CWF19L2: variants seen among roughly 807,000 people sequenced by gnomAD.
CWF19L2 encodes the protein CWF19 like cell cycle control factor 2.
Under a neutral mutation model 111.7 loss-of-function variants are expected in CWF19L2, and 98 were observed. The ratio of observed to expected loss-of-function variants is 0.88; its 90% confidence interval spans 0.75 to 1.04. The LOEUF is 1.04. Ranked by LOEUF, CWF19L2 falls within the 50% of genes least tolerant of loss-of-function variation. CWF19L2 has a pLI of 0.00. For synonymous variants in CWF19L2, 351 were observed against 342.9 expected (o/e 1.02, Z -0.26); for missense variants, 1,101 against 1,051.4 (o/e 1.05, Z -0.65).
chr11:107,430,548 A>G (rs183128106), intron 7 of CWF19L2, among the ~76,000 whole-genome samples: 1 of 152,298 alleles, frequency 6.6e-6, no homozygotes, highest in East Asian at 1.9e-4. Flanking sequence ...CACACCATCA[A>G]TGAATTCGGG....
intron 17 of CWF19L2, among the ~76,000 whole-genome samples, chr11:107,328,218 G>A (rs1859791857): frequency 6.6e-6 from 1 of 151,908 alleles, no homozygotes; most frequent in Non-Finnish European, 1.5e-5. Flanking sequence ...CCTGTCATCA[G>A]GGAAGGGAAA....
intron 14 of CWF19L2, among the ~76,000 whole-genome samples, chr11:107,337,961 TATA>T (rs2134526999): frequency 6.6e-6 from 1 of 152,270 alleles, no homozygotes; most frequent in African/African-American, 2.4e-5. Flanking sequence ...AAAACTATAC[TATA>T]ATATCACAAC....
In CWF19L2 at chr11:107,443,027, T is replaced by C; in HGVS notation, c.362A>G (p.Glu121Gly). 6.4e-7 allele frequency: 1 copy of C among 1,550,544 alleles called. No individual in the cohort carries two copies. The highest frequency in any genetic ancestry group is 1.7e-4 in the Middle Eastern group (1 of 5,994). Residue 121 changes from glutamate (E) to glycine (G), a missense_variant, in exon 4 of 18, where the codon GAG becomes GGG. Transcript: ENST00000282251. The part of the protein sequence containing the change: ...SSSSSEDEWV[E>G]AVPSQTPDKE... Reference sequence around the variant, plus strand: ...GTCAGGAGTCTGGGATGGAACAGCCTCAACCCACTCATCTTCAGAGCTCTA... The same window carrying C: ...GTCAGGAGTCTGGGATGGAACAGCCCCAACCCACTCATCTTCAGAGCTCTA...
chr11:107,435,670 T>C (rs553392403), intron 6 of CWF19L2, among the ~76,000 whole-genome samples: 7 of 152,132 alleles, frequency 4.6e-5, no homozygotes, highest in Non-Finnish European at 1.0e-4. Flanking sequence ...TCTATCTCAA[T>C]AGTCCTATTA....
chr11:107,416,982 T>C (rs1382017574), intron 9 of CWF19L2, among the ~76,000 whole-genome samples: 1 of 152,216 alleles, frequency 6.6e-6, no homozygotes, highest in Non-Finnish European at 1.5e-5. Context: ...TTACTTCCCT[T>C]ACCAATTTCT....
chr11:107,348,443 T>G (rs941294274), intron 14 of CWF19L2, among the ~76,000 whole-genome samples: 1 of 152,040 alleles, frequency 6.6e-6, no homozygotes, highest in Non-Finnish European at 1.5e-5. Context: ...TGGGCCAGAT[T>G]ATGAAGGAAA....
At chr11:107,341,806 GTGTGT>G (rs1860009203) in intron 14 of CWF19L2, among the ~76,000 whole-genome samples, 2 of 152,066 alleles carry the variant, frequency 1.3e-5, no homozygotes, top group African/African-American at 2.4e-5. Flanking sequence ...TTCATATTGA[GTGTGT>G]TGTAACAGTT....
chr11:107,391,256 T>A (rs2134595261), intron 11 of CWF19L2, among the ~76,000 whole-genome samples: 1 of 152,286 alleles, frequency 6.6e-6, no homozygotes, highest in Middle Eastern at 3.4e-3. Flanking sequence ...CTTAATTCTG[T>A]CCCTCTAGGG....
rs572455915 is a variant in CWF19L2, at chr11:107,339,997, T to C, written c.2203-3284A>G. ...TCCTAATTGGATTGTTTTCACTGTT[T>C]TGACATTCTAGATATAAAAATATTC... On this transcript the variant is annotated intron_variant, in intron 14 of 17. Transcript: ENST00000282251. 7.7e-4 allele frequency among the ~76,000 whole-genome samples: 117 copies of C among 152,308 alleles called. 2 individuals are homozygous for C. The South Asian group carries it at 0.024, about 31-fold the overall frequency.
At chr11:107,448,632 T>C (rs596268) in intron 3 of CWF19L2, among the ~76,000 whole-genome samples, 27,064 of 152,006 alleles carry the variant, frequency 0.18, 2,592 homozygotes, top group Middle Eastern at 0.28. Context: ...AATGTTTGTG[T>C]CCCCCACCAA....
intron 1 of CWF19L2, among the ~76,000 whole-genome samples, chr11:107,456,357 T>G (rs1468338266): frequency 2.0e-5 from 3 of 152,266 alleles, no homozygotes; most frequent in Non-Finnish European, 4.4e-5. Flanking sequence ...CTTTTCAAAT[T>G]CTATGCATAT....
At position 107,379,787 on chromosome 11, in the gene CWF19L2, C is replaced by T. The variant is rs650211; in HGVS notation, c.1872+10287G>A. On this transcript the variant is annotated intron_variant, in intron 12 of 17. Transcript: ENST00000282251. ...TAAGAATCAGATACTCAGCCGGGCG[C>T]GGTGGCTCACGCCTGTAATCCCAGC... Among the ~76,000 whole-genome samples, 831 of 152,130 alleles carry T rather than the reference C, an allele frequency of 5.5e-3. 6 individuals are homozygous for T. The highest frequency in any genetic ancestry group is 0.018 in the African/African-American group (752 of 41,506).
chr11:107,451,136 TAC>T (rs1318160888), intron 3 of CWF19L2, among the ~76,000 whole-genome samples: 2 of 151,976 alleles, frequency 1.3e-5, no homozygotes, highest in African/African-American at 2.4e-5. Flanking sequence ...ACTGAAATTA[TAC>T]AGAGTATAAC....
At chr11:107,410,851 CT>C (rs1861146394) in intron 10 of CWF19L2, among the ~76,000 whole-genome samples, 1 of 152,090 alleles carries the variant, frequency 6.6e-6, no homozygotes, top group African/African-American at 2.4e-5. Flanking sequence ...GCCTAAGATA[CT>C]TTGAAAACTG....
At position 107,442,925 on chromosome 11, in the gene CWF19L2, A is replaced by AGT; in HGVS notation, c.450+12_450+13dup. ...GGAAGAAAGCAAGGAAGGAAAATCAAGTGGCTTGCTTACCTTGATAATTTG... is the reference window on the plus strand; with the variant it reads ...GGAAGAAAGCAAGGAAGGAAAATCAAGTGTGGCTTGCTTACCTTGATAATTTG... On this transcript the variant is annotated intron_variant, in intron 4 of 17. Coordinates refer to ENST00000282251, the MANE Select transcript of CWF19L2 (RefSeq NM_152434.3). The AGT allele has an allele frequency of 6.8e-7, 1 of 1,471,718 alleles. No individual in the cohort carries two copies. The allele number at this position is 1,471,718 out of a possible 1,614,324, so 91.2% of individuals were successfully genotyped here. A position where few individuals can be genotyped will look rare whatever the true frequency, so the allele number is the denominator to read the frequency against.
intron 7 of CWF19L2, among the ~76,000 whole-genome samples, chr11:107,431,214 G>GA (rs1861461403): frequency 1.3e-5 from 2 of 151,412 alleles, no homozygotes; most frequent in African/African-American, 2.4e-5. Flanking sequence ...TAACAGAGAG[G>GA]AAAAAAACAA....
At chr11:107,414,060 TA>T (rs2135396076) in intron 10 of CWF19L2, among the ~76,000 whole-genome samples, 1 of 152,354 alleles carries the variant, frequency 6.6e-6, no homozygotes, top group African/African-American at 2.4e-5. Context: ...ACAAGTTACT[TA>T]GCCCTCTGTG....
chr11:107,337,485 T>A (rs778041263), intron 14 of CWF19L2, among the ~76,000 whole-genome samples: 10 of 152,006 alleles, frequency 6.6e-5, no homozygotes, highest in Non-Finnish European at 1.2e-4. Flanking sequence ...CCAGGATGTC[T>A]GCATGCATTC....
At chr11:107,353,406 G>T in intron 13 of CWF19L2, 118 bp downstream of exon 13, 1 of 753,034 alleles carries the variant, frequency 1.3e-6, no homozygotes, top group South Asian at 1.9e-5. Flanking sequence ...AAATTATTAG[G>T]GGAAAGACCC....
Sources: allele counts gnomAD v4.1 joint callset (sites outside exome capture counted in the v4.1 genomes callset), GRCh38; gene constraint gnomAD v4.1.1; transcripts MANE v1.5; gene names NCBI Gene and HGNC (gene_info 2026-07-23, HGNC 2026-07-21).